The following CNTN4 variants were observed in gnomAD, a reference collection of about 807,000 sequenced individuals.
CNTN4 encodes contactin-4.
CNTN4 carries 77 observed loss-of-function variants against 122.5 expected under a neutral mutation model. The ratio of observed to expected loss-of-function variants is 0.63; its 90% CI spans 0.52 to 0.76. The LOEUF is 0.76. Among genes scored for constraint, CNTN4 ranks in the 30% least tolerant of loss-of-function variants. CNTN4 has a pLI of 0.00. For synonymous variants in CNTN4, 512 were observed against 447.0 expected (o/e 1.15, Z -1.83); for missense variants, 1,256 against 1,259.1 (o/e 1.00, Z 0.04).
At chr3:2,190,687 C>T (rs1435991131) in intron 2 of CNTN4, among the ~76,000 whole-genome samples, 3 of 152,024 alleles carry the variant, frequency 2.0e-5, no homozygotes, top group East Asian at 3.9e-4. Flanking sequence ...CCTAGCAGAT[C>T]TCACCATCCA....
At chr3:2,781,957 T>C (rs1004340731) in intron 6 of CNTN4, among the ~76,000 whole-genome samples, 8 of 149,648 alleles carry the variant, frequency 5.3e-5, no homozygotes, top group African/African-American at 1.2e-4. Flanking sequence ...TCTCCTGACC[T>C]CGTGATCCCC....
intron 3 of CNTN4, among the ~76,000 whole-genome samples, chr3:2,341,842 C>T (rs571315874): frequency 2.5e-4 from 38 of 152,334 alleles, no homozygotes; most frequent in African/African-American, 8.9e-4. Context: ...TAATAACTTT[C>T]TATCCTGGAC....
At chr3:2,683,285 G>A (rs750614620) in intron 4 of CNTN4, among the ~76,000 whole-genome samples, 28 of 151,736 alleles carry the variant, frequency 1.8e-4, no homozygotes, top group Non-Finnish European at 2.4e-4. Context: ...TGACAAGATT[G>A]ATAGACCCTG....
At chr3:2,286,887 T>C (rs2041919539) in intron 2 of CNTN4, among the ~76,000 whole-genome samples, 1 of 152,146 alleles carries the variant, frequency 6.6e-6, no homozygotes, top group Admixed American at 6.5e-5. Flanking sequence ...CATGGCATCA[T>C]TATATACAAA....
intron 3 of CNTN4, among the ~76,000 whole-genome samples, chr3:2,451,413 T>A (rs1318387015): frequency 6.6e-6 from 1 of 150,724 alleles, no homozygotes; most frequent in Non-Finnish European, 1.5e-5. Flanking sequence ...AATATGGTAT[T>A]TTGTGAATTA....
chr3:2,208,797 C>G (rs999502280), intron 2 of CNTN4, among the ~76,000 whole-genome samples: 7 of 152,116 alleles, frequency 4.6e-5, no homozygotes, highest in Admixed American at 4.6e-4. Context: ...AGACAAGACC[C>G]TCTACCAGCA....
At chr3:2,489,638 G>T (rs1157282274) in intron 3 of CNTN4, among the ~76,000 whole-genome samples, 1 of 152,104 alleles carries the variant, frequency 6.6e-6, no homozygotes, top group Non-Finnish European at 1.5e-5. Flanking sequence ...CCAAAATAAT[G>T]CTAGTCATAC....
chr3:2,519,912 G>A (rs1025841180), intron 3 of CNTN4, among the ~76,000 whole-genome samples: 15 of 152,124 alleles, frequency 9.9e-5, no homozygotes, highest in African/African-American at 2.4e-4. Context: ...CTAAGAGAGG[G>A]AACCTGTGTT....
intron 6 of CNTN4, among the ~76,000 whole-genome samples, chr3:2,798,675 GT>G (rs1384852327): frequency 6.6e-6 from 1 of 151,848 alleles, no homozygotes. Context: ...ACACTTGGCT[GT>G]TTTTTTGTAT....
intron 6 of CNTN4, among the ~76,000 whole-genome samples, chr3:2,765,904 G>T (rs2090836723): frequency 6.6e-6 from 1 of 152,188 alleles, no homozygotes; most frequent in Non-Finnish European, 1.5e-5. Flanking sequence ...AACATTGTTG[G>T]TGCTGGAAAG....
chr3:2,361,619 G>A (rs1376483437), intron 3 of CNTN4, among the ~76,000 whole-genome samples: 2 of 152,152 alleles, frequency 1.3e-5, no homozygotes. Context: ...AACTGTATTG[G>A]AATAAGAGCT....
intron 13 of CNTN4, among the ~76,000 whole-genome samples, chr3:2,968,198 C>G (rs1367426935): frequency 6.6e-6 from 1 of 152,154 alleles, no homozygotes; most frequent in Non-Finnish European, 1.5e-5. Context: ...CAAGAAAAAT[C>G]ACTTTTTAAG....
intron 2 of CNTN4, among the ~76,000 whole-genome samples, chr3:2,289,405 C>T (rs1038012390): frequency 2.6e-5 from 4 of 151,936 alleles, no homozygotes; most frequent in African/African-American, 4.8e-5. Context: ...TGTGAAATGG[C>T]GATAATAATA....
intron 2 of CNTN4, among the ~76,000 whole-genome samples, chr3:2,327,240 T>C (rs1468559144): frequency 6.6e-6 from 1 of 152,144 alleles, no homozygotes; most frequent in Non-Finnish European, 1.5e-5. Flanking sequence ...TTTGCATTCT[T>C]CATGTATTTG....
At chr3:2,292,202 T>C (rs2042160202) in intron 2 of CNTN4, among the ~76,000 whole-genome samples, 1 of 152,204 alleles carries the variant, frequency 6.6e-6, no homozygotes. Flanking sequence ...GGCAACAGAT[T>C]ATTTTTCTTC....
intron 2 of CNTN4, among the ~76,000 whole-genome samples, chr3:2,264,994 C>T (rs995296600): frequency 3.3e-5 from 5 of 152,038 alleles, no homozygotes; most frequent in Non-Finnish European, 5.9e-5. Flanking sequence ...AATGTGTAAT[C>T]TTTCATCCCT....
chr3:2,589,848 C>G (rs1241310486), intron 4 of CNTN4, among the ~76,000 whole-genome samples: 1 of 152,146 alleles, frequency 6.6e-6, no homozygotes, highest in African/African-American at 2.4e-5. Flanking sequence ...GTCCTCGTGA[C>G]ATGGCCTGTG....
intron 2 of CNTN4, among the ~76,000 whole-genome samples, chr3:2,130,170 T>C (rs961561226): frequency 6.6e-6 from 1 of 152,162 alleles, no homozygotes; most frequent in African/African-American, 2.4e-5. Flanking sequence ...CACACTTTTG[T>C]CCTCAACTTT....
intron 12 of CNTN4, among the ~76,000 whole-genome samples, chr3:2,916,853 A>G (rs912674382): frequency 4.6e-5 from 7 of 151,002 alleles, no homozygotes; most frequent in Non-Finnish European, 7.4e-5. Context: ...CGGGGCAGCC[A>G]GGCAGAGGTG....
Sources: gnomAD v4.1 joint callset for allele counts (sites outside exome capture counted in the v4.1 genomes callset) on GRCh38, gnomAD v4.1.1 for gene constraint, MANE v1.5 for transcripts, NCBI Gene and HGNC (gene_info 2026-07-23, HGNC 2026-07-21) for gene names.